WDR7: variants seen among roughly 807,000 people sequenced by gnomAD.
WDR7 encodes WD repeat-containing protein 7.
Under a neutral mutation model 169.4 loss-of-function variants are expected in WDR7, and 46 were observed. The observed-to-expected ratio is 0.27, with a 90% confidence interval of 0.21 to 0.35. The LOEUF is 0.35. Ranked by LOEUF, WDR7 falls within the 10% of genes least tolerant of loss-of-function variation. The probability of loss-of-function intolerance (pLI) is 1.00; values close to 1 mark genes in which losing one functional copy is unlikely to be tolerated. For missense variants in WDR7, 1,534 were observed against 1,859.3 expected (o/e 0.83, Z 3.22); for synonymous variants, 612 against 666.8 (o/e 0.92, Z 1.27).
In WDR7 at chr18:56,744,026, C is replaced by T. The variant is rs375535091; in HGVS notation, c.1989+12429C>T. Among the ~76,000 whole-genome samples, 67 of 151,978 alleles carry T rather than the reference C, an allele frequency of 4.4e-4. 1 individual carries two copies. In the South Asian group the frequency reaches 0.012, roughly 28 times the overall value. On this transcript the variant is annotated intron_variant, in intron 14 of 27. Transcript: ENST00000254442. ...CAGCACTTTGGGAGGCCGAGGCGGA[C>T]GGATCACGAGGTCAGGAGATCGAGA...
intron 27 of WDR7, among the ~76,000 whole-genome samples, chr18:57,026,078 A>G (rs532934953): frequency 1.3e-5 from 2 of 152,338 alleles, no homozygotes; most frequent in Non-Finnish European, 2.9e-5. Flanking sequence ...TAGCACACAT[A>G]ATGCTATTGA....
intron 12 of WDR7, among the ~76,000 whole-genome samples, chr18:56,703,008 A>G (rs1375706685): frequency 2.0e-5 from 3 of 152,238 alleles, no homozygotes; most frequent in Non-Finnish European, 4.4e-5. Context: ...CATATAGGCT[A>G]AGTTCTTTAA....
intron 4 of WDR7, 124 bp from the exon 5 acceptor site, chr18:56,682,555 A>G: frequency 9.5e-7 from 1 of 1,056,792 alleles, no homozygotes; most frequent in South Asian, 1.7e-5. Flanking sequence ...AATATCTAAA[A>G]TTCTTACCGA....
chr18:56,956,637 G>A (rs2047254545), intron 25 of WDR7, among the ~76,000 whole-genome samples: 2 of 152,116 alleles, frequency 1.3e-5, no homozygotes, highest in Non-Finnish European at 2.9e-5. Flanking sequence ...TAGAAGTCCT[G>A]TTGTTCTTTC....
chr18:56,966,046 C>T (rs2047403857), intron 26 of WDR7, among the ~76,000 whole-genome samples: 1 of 152,022 alleles, frequency 6.6e-6, no homozygotes, highest in South Asian at 2.1e-4. Context: ...TACTTGTTAA[C>T]AAACATGGTA....
chr18:56,679,222 A>G (rs1476866879), intron 2 of WDR7, 110 bp from the exon 3 acceptor site: 3 of 808,316 alleles, frequency 3.7e-6, no homozygotes, highest in Non-Finnish European at 5.6e-6. Context: ...TAGAATAAAA[A>G]ATCTTAGCAG....
At chr18:57,019,426 T>C (rs541920455) in intron 26 of WDR7, among the ~76,000 whole-genome samples, 2 of 152,278 alleles carry the variant, frequency 1.3e-5, no homozygotes, top group South Asian at 4.1e-4. Context: ...GGTTCCACAG[T>C]TAATACGTAG....
chr18:56,660,082 T>C (rs2024871982), intron 1 of WDR7, among the ~76,000 whole-genome samples: 1 of 152,122 alleles, frequency 6.6e-6, no homozygotes, highest in African/African-American at 2.4e-5. Flanking sequence ...GGAATGTGTA[T>C]GTGTGAGAGA....
chr18:56,939,503 T>C (rs8093847), intron 25 of WDR7, 110 bp downstream of exon 25: 26,315 of 611,670 alleles, frequency 0.043, 4,604 homozygotes, highest in African/African-American at 0.41. Flanking sequence ...TCCAGTTATT[T>C]ATTAATGTCT....
chr18:56,781,480 C>T (rs2044316932), intron 18 of WDR7, 53 bp from the exon 19 acceptor site: 1 of 1,431,768 alleles, frequency 7.0e-7, no homozygotes, highest in Non-Finnish European at 9.2e-7. Context: ...TATGAATATT[C>T]ACCTCCTCAA....
intron 26 of WDR7, among the ~76,000 whole-genome samples, chr18:56,994,016 C>CTTTTTTTTTT (rs35579782): frequency 5.2e-4 from 67 of 129,182 alleles, no homozygotes; most frequent in East Asian, 1.1e-3. Flanking sequence ...CTTTTTTTTT[C>CTTTTTTTTTT]TTTTTTTTTT....
intron 7 of WDR7, among the ~76,000 whole-genome samples, chr18:56,688,108 T>C (rs754348402): frequency 2.6e-5 from 4 of 152,150 alleles, no homozygotes; most frequent in African/African-American, 4.8e-5. Flanking sequence ...AAGGGATGAA[T>C]AACTTGACAA....
At chr18:56,996,896 T>G (rs1465614809) in intron 26 of WDR7, among the ~76,000 whole-genome samples, 1 of 152,178 alleles carries the variant, frequency 6.6e-6, no homozygotes. Flanking sequence ...AATGTTTCAC[T>G]TGAGTAGAAA....
chr18:56,738,927 A>G (rs528862946), intron 14 of WDR7, among the ~76,000 whole-genome samples: 1 of 150,316 alleles, frequency 6.7e-6, no homozygotes, highest in South Asian at 2.1e-4. Flanking sequence ...CAGTGCAAAC[A>G]TTGGTTATAA....
intron 21 of WDR7, among the ~76,000 whole-genome samples, chr18:56,908,738 C>T (rs1033066827): frequency 2.8e-4 from 42 of 152,270 alleles, no homozygotes; most frequent in African/African-American, 7.9e-4. Flanking sequence ...CATGTAAACA[C>T]CCAGCACAGG....
chr18:56,753,801 G>C (rs914894348), intron 14 of WDR7, among the ~76,000 whole-genome samples: 1 of 152,012 alleles, frequency 6.6e-6, no homozygotes, highest in African/African-American at 2.4e-5. Context: ...CCATAGTTTT[G>C]GTACTAGGGC....
chr18:56,667,569 T>C (rs1450484180), intron 1 of WDR7, among the ~76,000 whole-genome samples: 4 of 152,222 alleles, frequency 2.6e-5, no homozygotes, highest in African/African-American at 9.6e-5. Context: ...AAGCATAGAG[T>C]AATTTATCTT....
At chr18:57,025,962 G>A (rs1380247999) in intron 27 of WDR7, among the ~76,000 whole-genome samples, 1 of 152,210 alleles carries the variant, frequency 6.6e-6, no homozygotes, top group African/African-American at 2.4e-5. Flanking sequence ...CGAGATGGAG[G>A]TTATACTGGA....
chr18:56,947,997 A>G (rs1364355864), intron 25 of WDR7, among the ~76,000 whole-genome samples: 1 of 152,166 alleles, frequency 6.6e-6, no homozygotes, highest in African/African-American at 2.4e-5. Flanking sequence ...TATGATCTTG[A>G]GGTCTGGTAG....
Sources: gnomAD v4.1 joint callset for allele counts (sites outside exome capture counted in the v4.1 genomes callset) on GRCh38, gnomAD v4.1.1 for gene constraint, MANE v1.5 for transcripts, NCBI Gene and HGNC (gene_info 2026-07-23, HGNC 2026-07-21) for gene names.